The following TBX19 variants were observed in gnomAD, a reference collection of about 807,000 sequenced individuals.
TBX19 encodes the protein T-box transcription factor TBX19.
A neutral mutation model predicts 40.9 loss-of-function variants in TBX19; 33 were observed. That is an observed-to-expected ratio of 0.81 (90% confidence interval 0.61 to 1.08). The LOEUF (loss-of-function observed/expected upper bound fraction) is 1.08. TBX19 is among the 50% of genes least tolerant of loss of function. The pLI, the probability that TBX19 is intolerant of heterozygous loss-of-function variation, is 0.00. For synonymous variants in TBX19, 220 were observed against 225.0 expected (o/e 0.98, Z 0.20); for missense variants, 494 against 574.0 (o/e 0.86, Z 1.42).
chr1:168,285,611 G>T (rs903262606), intron 1 of TBX19, among the ~76,000 whole-genome samples: 1 of 152,230 alleles, frequency 6.6e-6, no homozygotes, highest in Non-Finnish European at 1.5e-5. Context: ...GTTTTCTTGA[G>T]GAGTGCTTAT....
intron 5 of TBX19, among the ~76,000 whole-genome samples, chr1:168,301,097 C>T (rs1207647312): frequency 6.6e-6 from 1 of 152,146 alleles, no homozygotes; most frequent in Non-Finnish European, 1.5e-5. Context: ...GAAAGTTAAC[C>T]CTGATGTCTG....
intron 4 of TBX19, among the ~76,000 whole-genome samples, chr1:168,299,386 C>T (rs1649221896): frequency 6.6e-6 from 1 of 152,112 alleles, no homozygotes; most frequent in African/African-American, 2.4e-5. Context: ...CTTTCCTGTT[C>T]ACCTTAAAGG....
At chr1:168,304,037 C>T (rs527448634) in intron 5 of TBX19, among the ~76,000 whole-genome samples, 22 of 152,282 alleles carry the variant, frequency 1.4e-4, no homozygotes, top group Admixed American at 5.9e-4. Context: ...AATTCCTAAC[C>T]ACCTGGGAAT....
chr1:168,293,839 C>G (rs560755284), intron 3 of TBX19, among the ~76,000 whole-genome samples: 1 of 152,038 alleles, frequency 6.6e-6, no homozygotes, highest in African/African-American at 2.4e-5. Flanking sequence ...GCTTTGGGTC[C>G]GTTCACATGA....
At chr1:168,283,196 T>C (rs1648705973) in intron 1 of TBX19, among the ~76,000 whole-genome samples, 1 of 152,204 alleles carries the variant, frequency 6.6e-6, no homozygotes, top group African/African-American at 2.4e-5. Flanking sequence ...TCCTTCATCT[T>C]TAACGTCATT....
In TBX19 at chr1:168,305,222, T is replaced by C. The variant is rs1442445711; in HGVS notation, c.916+26T>C. 3.7e-6 allele frequency: 6 copies of C among 1,605,444 alleles called. No individual in the cohort carries two copies. In the South Asian group the frequency reaches 5.5e-5, roughly 15 times the overall value. On this transcript the variant is annotated intron_variant, in intron 6 of 7. Transcript: ENST00000367821. ...GTCTGTGACTCTGCTGATTAAACCC[T>C]TGGGGTATGGGCTGGGGTGGGGGCA...
chr1:168,282,763 C>G (rs1457157282), intron 1 of TBX19, among the ~76,000 whole-genome samples: 1 of 152,134 alleles, frequency 6.6e-6, no homozygotes, highest in Non-Finnish European at 1.5e-5. Flanking sequence ...GTAGAACATT[C>G]TGCTTATTTT....
chr1:168,309,857 A>G (rs1364999713), intron 7 of TBX19, among the ~76,000 whole-genome samples: 1 of 152,202 alleles, frequency 6.6e-6, no homozygotes, highest in Non-Finnish European at 1.5e-5. Flanking sequence ...AATATGACCT[A>G]CTTTGCAGAG....
chr1:168,303,539 A>G (rs1304136178), intron 5 of TBX19, among the ~76,000 whole-genome samples: 1 of 152,304 alleles, frequency 6.6e-6, no homozygotes, highest in African/African-American at 2.4e-5. Context: ...GGGTTCTTGG[A>G]CCTCATGCAA....
chr1:168,313,362 C>T lies in TBX19; in HGVS notation c.*360C>T. Reference sequence around the variant, plus strand: ...AGAAGGTGCAAAGCTGTTAAATGAGCTCAGAGTTTACCTAGCTAAGGCCAC... The same window carrying T: ...AGAAGGTGCAAAGCTGTTAAATGAGTTCAGAGTTTACCTAGCTAAGGCCAC... On this transcript the variant is annotated 3_prime_UTR_variant, in exon 8 of 8. Coordinates refer to ENST00000367821, the MANE Select transcript of TBX19 (RefSeq NM_005149.3). 2.9e-6 allele frequency: 1 copy of T among 342,976 alleles called. No homozygotes were observed. The highest frequency in any genetic ancestry group is 5.5e-6 in the Non-Finnish European group (1 of 181,296). 21.2% of individuals were successfully genotyped at this position (342,976 alleles called of 1,614,324 possible). A position where few individuals can be genotyped will look rare whatever the true frequency, so the allele number is the denominator to read the frequency against.
chr1:168,288,912 C>A (rs1648871824), intron 1 of TBX19, among the ~76,000 whole-genome samples: 1 of 152,150 alleles, frequency 6.6e-6, no homozygotes, highest in South Asian at 2.1e-4. Flanking sequence ...AGGTGTGCAC[C>A]ACCATGCCTG....
chr1:168,281,094 G>A lies in TBX19; in HGVS notation c.4G>A (p.Ala2Thr). Residue 2 changes from alanine to threonine, a missense_variant, in exon 1 of 8, where the codon GCC becomes ACC. Ala to Thr is a moderately conservative substitution (Grantham distance 58). Around this residue, in one of 3 missense-constraint regions of TBX19, gnomAD observed 201 missense variants for 235.2 expected, o/e 0.85. Coordinates refer to ENST00000367821, the MANE Select transcript of TBX19 (RefSeq NM_005149.3). M[A>T]MSELGTRKPS... ...CGGCAAAGTTCGAGAAGTGCCTATG[G>A]CCATGAGTGAGCTGGGCACTCGGAA... 6.2e-7 allele frequency: 1 copy of A among 1,614,138 alleles called. No individual in the cohort carries two copies. The highest frequency in any genetic ancestry group is 8.5e-7 in the Non-Finnish European group (1 of 1,180,004).
In TBX19 at chr1:168,312,774, G is replaced by A; in HGVS notation, c.1119G>A (p.Val373=). The part of the protein sequence containing the change: ...AGGPSGPGPE[V]HASTPGAFLL... ...GCCCCAGTGGGCCAGGCCCGGAGGTGCACGCCAGCACCCCAGGAGCATTTC... is the reference window on the plus strand; with the variant it reads ...GCCCCAGTGGGCCAGGCCCGGAGGTACACGCCAGCACCCCAGGAGCATTTC... The change falls in exon 8 of 8, where the codon GTG becomes GTA. Residue 373 remains valine, a synonymous_variant. Transcript: ENST00000367821. 1 of 1,614,222 alleles carries A rather than the reference G, an allele frequency of 6.2e-7. No individual in the cohort carries two copies. Among genetic ancestry groups the A allele is most frequent in the Non-Finnish European group, 8.5e-7 (1 of 1,180,046 alleles).
At chr1:168,298,910 T>C (rs1459230737) in intron 4 of TBX19, among the ~76,000 whole-genome samples, 1 of 140,216 alleles carries the variant, frequency 7.1e-6, no homozygotes, top group Non-Finnish European at 1.5e-5. Context: ...TCTCTCTCTC[T>C]CTTTCTTTCA....
chr1:168,306,692 G>A (rs12059729), intron 6 of TBX19, among the ~76,000 whole-genome samples: 4,882 of 149,556 alleles, frequency 0.033, 238 homozygotes, highest in African/African-American at 0.11. Flanking sequence ...ACACAAATAC[G>A]TAAATAATGA....
chr1:168,309,668 A>G (rs1423316258), intron 7 of TBX19, among the ~76,000 whole-genome samples: 1 of 152,142 alleles, frequency 6.6e-6, no homozygotes, highest in Non-Finnish European at 1.5e-5. Context: ...TCACACTAGC[A>G]ACCTGCATTA....
rs368505115 is a variant in TBX19 at position 168,291,123 on chromosome 1, G to A, written c.204-37G>A. On this transcript the variant is annotated intron_variant, in intron 1 of 7. Coordinates refer to ENST00000367821, the MANE Select transcript of TBX19 (RefSeq NM_005149.3). Reference sequence around the variant, plus strand: ...TGGACAAGGTGAGAGTTCCTCTAACGTCCCTCCTGTGGCTAAGTTTCTGCC... The same window carrying A: ...TGGACAAGGTGAGAGTTCCTCTAACATCCCTCCTGTGGCTAAGTTTCTGCC... 146 of 1,613,290 alleles carry A rather than the reference G, an allele frequency of 9.0e-5. 1 individual carries two copies. The highest frequency in any genetic ancestry group is 1.2e-4 in the Non-Finnish European group (137 of 1,179,990).
intron 4 of TBX19, among the ~76,000 whole-genome samples, chr1:168,299,880 T>A (rs1417873306): frequency 6.6e-6 from 1 of 152,154 alleles, no homozygotes; most frequent in African/African-American, 2.4e-5. Context: ...CAATCTAGAT[T>A]CAAAGTGACA....
In TBX19 at chr1:168,313,601, C is replaced by T. The variant is rs1308721132; in HGVS notation, c.*599C>T. On this transcript the variant is annotated 3_prime_UTR_variant, in exon 8 of 8. Transcript: ENST00000367821. ...GAAACCTTCAATGGTTCACCATTACCAGTGGAATGAAGTCAATTCTCCTCA... is the reference window on the plus strand; with the variant it reads ...GAAACCTTCAATGGTTCACCATTACTAGTGGAATGAAGTCAATTCTCCTCA... The T allele has an allele frequency of 6.3e-6, 1 of 158,430 alleles. No homozygotes were observed. The highest frequency in any genetic ancestry group is 2.4e-5 in the African/African-American group (1 of 41,478). 9.8% of individuals were successfully genotyped at this position (158,430 alleles called of 1,614,324 possible).
Sources: gnomAD v4.1 joint callset for allele counts (sites outside exome capture counted in the v4.1 genomes callset) on GRCh38, gnomAD v4.1.1 for gene constraint, gnomAD v4.1.1 regional missense constraint, MANE v1.5 for transcripts, NCBI Gene and HGNC (gene_info 2026-07-23, HGNC 2026-07-21) for gene names.